The following ZNF503 variants were observed in gnomAD, a reference collection of about 807,000 sequenced individuals.
ZNF503 encodes NocA-like zinc finger 2.
ZNF503 carries 15 observed loss-of-function variants against 34.4 expected under a neutral mutation model. The observed-to-expected ratio is 0.44, with a 90% CI of 0.29 to 0.67. The LOEUF (loss-of-function observed/expected upper bound fraction) is 0.67. ZNF503 is among the 30% of genes least tolerant of loss of function. The pLI is 0.13. For synonymous variants in ZNF503, 580 were observed against 456.8 expected (o/e 1.27, Z -3.44); for missense variants, 1,007 against 926.8 (o/e 1.09, Z -1.12).
the ZNF503 span, among the ~76,000 whole-genome samples, chr10:75,305,684 C>G: frequency 6.6e-6 from 1 of 152,126 alleles, no homozygotes; most frequent in Non-Finnish European, 1.5e-5. Context: ...GTCTCCCCAG[C>G]TGTTGACAAC....
intron 1 of ZNF503, 55 bp from the exon 2 acceptor site, chr10:75,400,429 C>T: frequency 1.3e-6 from 2 of 1,523,212 alleles, no homozygotes; most frequent in Non-Finnish European, 1.7e-6. Flanking sequence ...AGTGGAAACC[C>T]TTTAGAATCC....
At chr10:75,357,400 C>A in the ZNF503 span, among the ~76,000 whole-genome samples, 1 of 151,878 alleles carries the variant, frequency 6.6e-6, no homozygotes, top group Non-Finnish European at 1.5e-5. Flanking sequence ...TGCCTGTTGT[C>A]CCAGCTACTC....
At chr10:75,400,540 C>T (rs957440895) in intron 1 of ZNF503, among the ~76,000 whole-genome samples, 166 bp from the exon 2 acceptor site, 1 of 152,224 alleles carries the variant, frequency 6.6e-6, no homozygotes. Flanking sequence ...CACCCACTCA[C>T]AAACATTCTC....
chr10:75,333,123 T>C, the ZNF503 span, among the ~76,000 whole-genome samples: 2 of 124,936 alleles, frequency 1.6e-5, no homozygotes, highest in African/African-American at 6.3e-5. Flanking sequence ...CCAACCTCCC[T>C]CCTGGACGGG....
At chr10:75,355,041 C>T in the ZNF503 span, among the ~76,000 whole-genome samples, 461 of 152,158 alleles carry the variant, frequency 3.0e-3, 3 homozygotes, top group African/African-American at 0.01. Context: ...GACAGGGTTC[C>T]GCCATGTTGG....
At chr10:75,352,670 T>A in the ZNF503 span, among the ~76,000 whole-genome samples, 3 of 152,246 alleles carry the variant, frequency 2.0e-5, no homozygotes, top group Non-Finnish European at 2.9e-5. Flanking sequence ...TTGCTGGCCA[T>A]CTTGAAGAAT....
At chr10:75,400,895 G>A in intron 1 of ZNF503, 1 of 716,820 alleles carries the variant, frequency 1.4e-6, no homozygotes. Context: ...AACAAGTATT[G>A]GCAGCCTTGC....
chr10:75,345,192 C>G, the ZNF503 span, among the ~76,000 whole-genome samples: 1 of 152,170 alleles, frequency 6.6e-6, no homozygotes, highest in Non-Finnish European at 1.5e-5. Flanking sequence ...GTGTGCAGAG[C>G]TGGTCACAGA....
chr10:75,389,586 C>T, the ZNF503 span, among the ~76,000 whole-genome samples: 18 of 152,102 alleles, frequency 1.2e-4, no homozygotes, highest in Non-Finnish European at 2.2e-4. Flanking sequence ...AAAAAATAGC[C>T]GGATGTGGTG....
chr10:75,317,922 A>C, the ZNF503 span, among the ~76,000 whole-genome samples: 1 of 151,852 alleles, frequency 6.6e-6, no homozygotes, highest in Non-Finnish European at 1.5e-5. Flanking sequence ...CTTGAACCCA[A>C]GAAGTGGAGG....
chr10:75,350,883 T>G, the ZNF503 span, among the ~76,000 whole-genome samples: 1 of 152,170 alleles, frequency 6.6e-6, no homozygotes, highest in Non-Finnish European at 1.5e-5. Context: ...ATAAATAATA[T>G]CACACGTAAG....
the ZNF503 span, among the ~76,000 whole-genome samples, chr10:75,306,590 C>T: frequency 2.4e-4 from 36 of 151,946 alleles, no homozygotes; most frequent in Admixed American, 2.0e-4. Context: ...CATTTTATTG[C>T]GCTTTGTTTT....
chr10:75,318,649 A>G, the ZNF503 span, among the ~76,000 whole-genome samples: 1 of 143,324 alleles, frequency 7.0e-6, no homozygotes, highest in Admixed American at 7.2e-5. Flanking sequence ...AGCCTGAGTG[A>G]CACAGCAAGA....
the ZNF503 span, among the ~76,000 whole-genome samples, chr10:75,314,800 C>CTA: frequency 6.6e-6 from 1 of 152,162 alleles, no homozygotes; most frequent in African/African-American, 2.4e-5. Flanking sequence ...CCTGGTAAAA[C>CTA]TATACTTCAG....
the ZNF503 span, among the ~76,000 whole-genome samples, chr10:75,286,299 A>G: frequency 2.0e-5 from 3 of 151,636 alleles, no homozygotes; most frequent in Non-Finnish European, 4.4e-5. Context: ...AAAAAAAAAA[A>G]AGAGCCTGGA....
At chr10:75,378,187 A>G in the ZNF503 span, among the ~76,000 whole-genome samples, 9 of 152,024 alleles carry the variant, frequency 5.9e-5, no homozygotes, top group Admixed American at 5.9e-4. Context: ...ATTACATTTC[A>G]ACATGAGATT....
the ZNF503 span, among the ~76,000 whole-genome samples, chr10:75,306,302 A>G: frequency 6.6e-6 from 1 of 152,126 alleles, no homozygotes; most frequent in Non-Finnish European, 1.5e-5. Context: ...AGTGATGTTG[A>G]GTGTCATTTC....
At position 75,400,380 on chromosome 10, in the gene ZNF503, G is replaced by C; in HGVS notation, c.316-6C>G. 6.3e-7 allele frequency: 1 copy of C among 1,597,606 alleles called. No homozygotes were observed. Among genetic ancestry groups the C allele is most frequent in the Non-Finnish European group, 8.5e-7 (1 of 1,174,236 alleles). ...GGGCTCTTCTTGGCATCGAGCTGCG[G>C]GGTCAGACGATGGGGGGGGAGCGTC... On this transcript the variant is annotated splice_region_variant and splice_polypyrimidine_tract_variant and intron_variant, in intron 1 of 1. Transcript: ENST00000372524.
At chr10:75,314,458 T>C in the ZNF503 span, among the ~76,000 whole-genome samples, 4 of 152,082 alleles carry the variant, frequency 2.6e-5, no homozygotes, top group African/African-American at 9.7e-5. Context: ...TAAATAAATC[T>C]GTGAACTTGA....
Sources: gnomAD v4.1 joint callset for allele counts (sites outside exome capture counted in the v4.1 genomes callset) on GRCh38, gnomAD v4.1.1 for gene constraint, MANE v1.5 for transcripts, NCBI Gene and HGNC (gene_info 2026-07-23, HGNC 2026-07-21) for gene names.